The following BRINP3 variants were observed in gnomAD, a reference collection of about 807,000 sequenced individuals.
BRINP3 encodes the protein BMP/retinoic acid inducible neural specific 3.
BRINP3 carries 19 observed loss-of-function variants against 71.0 expected under a neutral mutation model. The ratio of observed to expected loss-of-function variants is 0.27; its 90% CI spans 0.19 to 0.39. The LOEUF is 0.39. Among genes scored for constraint, BRINP3 ranks in the 10% least tolerant of loss-of-function variants. The pLI, the probability that BRINP3 is intolerant of heterozygous loss-of-function variation, is 1.00. For missense variants in BRINP3, 959 were observed against 940.8 expected (o/e 1.02, Z -0.25); for synonymous variants, 380 against 337.7 (o/e 1.13, Z -1.37).
At chr1:190,222,905 C>T (rs896240931) in intron 6 of BRINP3, among the ~76,000 whole-genome samples, 4 of 151,566 alleles carry the variant, frequency 2.6e-5, no homozygotes. Context: ...TGCATGCCAA[C>T]AAATTGGAAA....
intron 6 of BRINP3, among the ~76,000 whole-genome samples, chr1:190,219,497 G>C (rs1237105444): frequency 6.6e-6 from 1 of 151,982 alleles, no homozygotes; most frequent in Non-Finnish European, 1.5e-5. Flanking sequence ...CAGTAGAATG[G>C]ACCAAGCAGA....
At chr1:190,337,519 T>G (rs879702981) in intron 2 of BRINP3, among the ~76,000 whole-genome samples, 12 of 151,990 alleles carry the variant, frequency 7.9e-5, no homozygotes, top group Non-Finnish European at 1.3e-4. Flanking sequence ...ACTGGCTGAG[T>G]CTTCTGGCCT....
intron 7 of BRINP3, among the ~76,000 whole-genome samples, chr1:190,148,649 A>T (rs530881029): frequency 8.7e-4 from 123 of 142,088 alleles, no homozygotes; most frequent in Non-Finnish European, 1.1e-3. Flanking sequence ...ATAAATAAAT[A>T]AATTCTATCT....
At chr1:190,314,056 A>T (rs1429395490) in intron 2 of BRINP3, among the ~76,000 whole-genome samples, 5 of 152,024 alleles carry the variant, frequency 3.3e-5, no homozygotes, top group Admixed American at 2.6e-4. Context: ...TCGCAAAATT[A>T]TCTAATTTAT....
chr1:190,291,697 C>A, intron 2 of BRINP3, among the ~76,000 whole-genome samples: 1 of 152,118 alleles, frequency 6.6e-6, no homozygotes, highest in East Asian at 1.9e-4. Flanking sequence ...CCCTTGCACA[C>A]AGTTGGTGAG....
At chr1:190,398,418 G>T (rs914061285) in intron 2 of BRINP3, among the ~76,000 whole-genome samples, 2 of 151,860 alleles carry the variant, frequency 1.3e-5, no homozygotes, top group South Asian at 2.1e-4. Flanking sequence ...AACAAAAAAG[G>T]TAACCTAATT....
At chr1:190,181,380 T>C (rs1257018657) in intron 6 of BRINP3, among the ~76,000 whole-genome samples, 1 of 152,070 alleles carries the variant, frequency 6.6e-6, no homozygotes, top group Non-Finnish European at 1.5e-5. Flanking sequence ...ACCATTTCCA[T>C]TTCATGTAAT....
intron 6 of BRINP3, among the ~76,000 whole-genome samples, chr1:190,195,752 A>G (rs1654424752): frequency 6.6e-6 from 1 of 152,068 alleles, no homozygotes; most frequent in African/African-American, 2.4e-5. Flanking sequence ...GTGGGAAAAT[A>G]TGATTAGCAA....
chr1:190,273,644 T>C (rs1662306265), intron 3 of BRINP3, among the ~76,000 whole-genome samples: 1 of 151,574 alleles, frequency 6.6e-6, no homozygotes, highest in Non-Finnish European at 1.5e-5. Context: ...TTTTATAAGA[T>C]ATGGCCCTTA....
At chr1:190,287,324 C>G (rs1663509222) in intron 2 of BRINP3, among the ~76,000 whole-genome samples, 1 of 152,070 alleles carries the variant, frequency 6.6e-6, no homozygotes, top group Non-Finnish European at 1.5e-5. Context: ...TTTTAAATGG[C>G]CTGGATGCCT....
intron 2 of BRINP3, among the ~76,000 whole-genome samples, chr1:190,293,934 TA>T (rs1242511470): frequency 6.6e-6 from 1 of 152,150 alleles, no homozygotes; most frequent in Non-Finnish European, 1.5e-5. Context: ...GGATTGTTTG[TA>T]GGCACCATAC....
At chr1:190,462,741 A>T (rs968803547) in intron 1 of BRINP3, among the ~76,000 whole-genome samples, 2 of 152,116 alleles carry the variant, frequency 1.3e-5, no homozygotes, top group African/African-American at 2.4e-5. Context: ...TCTTGAAGTC[A>T]AACTGAATAC....
At chr1:190,458,023 T>A (rs1474090022) in intron 1 of BRINP3, among the ~76,000 whole-genome samples, 1 of 152,150 alleles carries the variant, frequency 6.6e-6, no homozygotes, top group Non-Finnish European at 1.5e-5. Flanking sequence ...CACATTGTTA[T>A]GCATTTTAAC....
chr1:190,126,873 A>T (rs1215051693), intron 7 of BRINP3, among the ~76,000 whole-genome samples: 1 of 151,902 alleles, frequency 6.6e-6, no homozygotes, highest in Non-Finnish European at 1.5e-5. Flanking sequence ...GGATTCTTCA[A>T]ATTCAAACAT....
At chr1:190,214,572 A>G (rs765669595) in intron 6 of BRINP3, among the ~76,000 whole-genome samples, 245 of 152,116 alleles carry the variant, frequency 1.6e-3, no homozygotes, top group Non-Finnish European at 2.3e-3. Context: ...GTTTTGGCCA[A>G]TGGAATCCTG....
At chr1:190,375,223 T>C (rs1670107743) in intron 2 of BRINP3, among the ~76,000 whole-genome samples, 1 of 151,926 alleles carries the variant, frequency 6.6e-6, no homozygotes, top group East Asian at 1.9e-4. Flanking sequence ...GTTTAACATA[T>C]ATATACACAC....
intron 2 of BRINP3, among the ~76,000 whole-genome samples, chr1:190,384,517 C>T (rs1670757380): frequency 6.6e-6 from 1 of 151,458 alleles, no homozygotes; most frequent in African/African-American, 2.4e-5. Context: ...TTAATAAATT[C>T]CCAAAATTTT....
At position 190,265,007 on chromosome 1, in the gene BRINP3, C is replaced by G; in HGVS notation, c.476G>C (p.Arg159Pro). ...GGTGGTGGAATCACTTCCTTCAGCT[C>G]GTTTGCTCAACTTCCGCTTGTCCAC... Reference protein sequence around the residue: ...IFVDKRKLSKRAEGSDSTTNS... With the variant: ...IFVDKRKLSKPAEGSDSTTNS... The change falls in exon 4 of 8, where the codon CGA (arginine) becomes CCA (proline). Residue 159 changes from arginine to proline, a missense_variant. Coordinates refer to ENST00000367462, the MANE Select transcript of BRINP3 (RefSeq NM_199051.3). 1 of 1,610,690 alleles carries G rather than the reference C, an allele frequency of 6.2e-7. No homozygotes were observed. The highest frequency in any genetic ancestry group is 8.5e-7 in the Non-Finnish European group (1 of 1,178,620).
chr1:190,145,910 G>T lies in BRINP3; in HGVS notation c.1184+14758C>A, dbSNP rs1279072516. 2.0e-5 allele frequency among the ~76,000 whole-genome samples: 3 copies of T among 152,268 alleles called. No homozygotes were observed. The East Asian group carries it at 5.8e-4, about 29-fold the overall frequency. ...GAATAATGTCTTTTGCAGCAACTTG[G>T]TTGGAGCTCGAGGCCATTATTCTAA... On this transcript the variant is annotated intron_variant, in intron 7 of 7. Coordinates refer to ENST00000367462, the MANE Select transcript of BRINP3 (RefSeq NM_199051.3).
Sources: gnomAD v4.1 joint callset for allele counts (sites outside exome capture counted in the v4.1 genomes callset) on GRCh38, gnomAD v4.1.1 for gene constraint, MANE v1.5 for transcripts, NCBI Gene and HGNC (gene_info 2026-07-23, HGNC 2026-07-21) for gene names.